The following TMEM170B variants were observed in gnomAD, a reference collection of about 807,000 sequenced individuals.
TMEM170B encodes transmembrane protein 170B.
In TMEM170B, 6 loss-of-function variants were observed where a neutral mutation model predicts 13.0. The observed-to-expected ratio is 0.46, with a 90% CI of 0.25 to 0.91. The LOEUF is 0.91. Ranked by LOEUF, TMEM170B falls within the 40% of genes least tolerant of loss-of-function variation. TMEM170B has a pLI of 0.17. For synonymous variants in TMEM170B, 61 were observed against 64.9 expected (o/e 0.94, Z 0.29); for missense variants, 138 against 165.2 (o/e 0.84, Z 0.90).
rs1328025052 is a variant in TMEM170B, at chr6:11,581,301, T to C, written c.*5740T>C. 4.6e-5 allele frequency: 7 copies of C among 152,240 alleles called. No homozygotes were observed. Among genetic ancestry groups the C allele is most frequent in the Non-Finnish European group, 1.0e-4 (7 of 68,030 alleles). 9.4% of individuals were successfully genotyped at this position (152,240 alleles called of 1,614,324 possible). The stretch of plus-strand genomic sequence containing the variant: ...CTTTCCATACAGATGTCGTATGTTA[T>C]AGTTTAAACATATGTACAATTTGTT... On this transcript the variant is annotated 3_prime_UTR_variant, in exon 3 of 3. Transcript: ENST00000379426.
Position 11,580,722 on chromosome 6 carries a change from T to C in TMEM170B, c.*5161T>C, listed in dbSNP as rs1759944652. 6.6e-6 allele frequency: 1 copy of C among 152,254 alleles called. No homozygotes were observed. The highest frequency in any genetic ancestry group is 6.5e-5 in the Admixed American group (1 of 15,288). The allele number at this position is 152,254 out of a possible 1,614,324, so 9.4% of individuals were successfully genotyped here. On this transcript the variant is annotated 3_prime_UTR_variant, in exon 3 of 3. Transcript: ENST00000379426. Reference sequence around the variant, plus strand: ...CAGGATAAAAAGGATATTATTTGATTAAAAATTATAGCATTTGGAGAGGTA... The same window carrying C: ...CAGGATAAAAAGGATATTATTTGATCAAAAATTATAGCATTTGGAGAGGTA...
Position 11,580,840 on chromosome 6 carries a change from T to TG in TMEM170B, c.*5280dup, listed in dbSNP as rs1295052592. 1 of 152,232 alleles carries TG rather than the reference T, an allele frequency of 6.6e-6. No individual in the cohort carries two copies. The highest frequency in any genetic ancestry group is 6.5e-5 in the Admixed American group (1 of 15,278). 9.4% of individuals were successfully genotyped at this position (152,232 alleles called of 1,614,324 possible). The stretch of plus-strand genomic sequence containing the variant: ...ATACTGGATGAGTATGTATACTGCA[T>TG]GTTTACACATGCTGTGTTTCTTTAT... On this transcript the variant is annotated 3_prime_UTR_variant, in exon 3 of 3. Transcript: ENST00000379426.
chr6:11,566,026 T>G (rs1759729160), intron 2 of TMEM170B, among the ~76,000 whole-genome samples, 190 bp downstream of exon 2: 1 of 152,218 alleles, frequency 6.6e-6, no homozygotes, highest in African/African-American at 2.4e-5. Context: ...GTTGTAATTC[T>G]GCTGTGTGAA....
rs545127763 is a variant in TMEM170B, at chr6:11,566,065, T to C, written c.268+229T>C. ...TCCTTTTACAAGGTTTTGAGGGAAATAGAAAAATTCATAAAAATTGGCAAG... is the reference window on the plus strand; with the variant it reads ...TCCTTTTACAAGGTTTTGAGGGAAACAGAAAAATTCATAAAAATTGGCAAG... On this transcript the variant is annotated intron_variant, in intron 2 of 2. Coordinates refer to ENST00000379426, the MANE Select transcript of TMEM170B (RefSeq NM_001100829.3). Among the ~76,000 whole-genome samples, 5 of 152,250 alleles carry C rather than the reference T, an allele frequency of 3.3e-5. No individual in the cohort carries two copies. In the South Asian group the frequency reaches 1.0e-3, roughly 32 times the overall value.
chr6:11,548,910 ACTGGGGTCTGT>A (rs2113765675), intron 1 of TMEM170B, among the ~76,000 whole-genome samples: 1 of 132,604 alleles, frequency 7.5e-6, no homozygotes, highest in South Asian at 2.4e-4. Flanking sequence ...AACATCACAC[ACTGGGGTCTGT>A]CATGGGGTGG....
chr6:11,570,447 A>G (rs1759785458), intron 2 of TMEM170B, among the ~76,000 whole-genome samples: 1 of 152,212 alleles, frequency 6.6e-6, no homozygotes, highest in Admixed American at 6.5e-5. Flanking sequence ...ACAGAGCATA[A>G]TAGAAGAAAT....
At chr6:11,567,438 A>T (rs568569316) in intron 2 of TMEM170B, among the ~76,000 whole-genome samples, 4 of 152,292 alleles carry the variant, frequency 2.6e-5, no homozygotes, top group African/African-American at 9.6e-5. Context: ...TAAGAAGGCA[A>T]CCTTGTCTTT....
chr6:11,556,944 G>T (rs1326342100), intron 1 of TMEM170B, among the ~76,000 whole-genome samples: 2 of 152,166 alleles, frequency 1.3e-5, no homozygotes. Flanking sequence ...GCTCTCTCCA[G>T]TCTCCAGCCT....
chr6:11,571,177 T>C lies in TMEM170B; in HGVS notation c.269-4254T>C, dbSNP rs941433169. ...CCTTAACCTTTATCATATGCTTGCT[T>C]TTTTTTTTTTTTCTTTTTCCATTTT... On this transcript the variant is annotated intron_variant, in intron 2 of 2. Transcript: ENST00000379426. Among the ~76,000 whole-genome samples, 13 of 2,778 alleles carry C rather than the reference T, an allele frequency of 4.7e-3. No individual in the cohort carries two copies. The Admixed American group carries it at 0.17, about 37-fold the overall frequency. 1.8% of individuals were successfully genotyped at this position (2,778 alleles called of 152,430 possible).
At chr6:11,574,339 C>A (rs1214450986) in intron 2 of TMEM170B, among the ~76,000 whole-genome samples, 1 of 152,134 alleles carries the variant, frequency 6.6e-6, no homozygotes, top group Non-Finnish European at 1.5e-5. Flanking sequence ...TTCCTGTTTA[C>A]ATCTCTTACA....
intron 1 of TMEM170B, among the ~76,000 whole-genome samples, chr6:11,545,253 G>GTT (rs1759418267): frequency 7.6e-6 from 1 of 132,018 alleles, no homozygotes; most frequent in East Asian, 2.3e-4. Flanking sequence ...CTGGAATGAA[G>GTT]GTTAAAAGGC....
intron 1 of TMEM170B, among the ~76,000 whole-genome samples, chr6:11,549,148 A>G (rs1759482903): frequency 6.6e-6 from 1 of 152,246 alleles, no homozygotes; most frequent in Non-Finnish European, 1.5e-5. Flanking sequence ...TTGTAGTATC[A>G]GATGAATAAG....
intron 1 of TMEM170B, among the ~76,000 whole-genome samples, chr6:11,541,372 A>G (rs1369410050): frequency 6.6e-6 from 1 of 152,180 alleles, no homozygotes; most frequent in African/African-American, 2.4e-5. Flanking sequence ...TTGCTGCTTC[A>G]CCTTGCACTT....
intron 2 of TMEM170B, among the ~76,000 whole-genome samples, chr6:11,566,143 A>G (rs1759730315): frequency 6.6e-6 from 1 of 152,230 alleles, no homozygotes; most frequent in Admixed American, 6.5e-5. Context: ...TCTGCTTTCA[A>G]GTTGCTCATT....
intron 1 of TMEM170B, among the ~76,000 whole-genome samples, chr6:11,543,737 T>G (rs1328475566): frequency 6.6e-6 from 1 of 152,180 alleles, no homozygotes; most frequent in African/African-American, 2.4e-5. Flanking sequence ...TTTGCACAAA[T>G]TTGCTTAATA....
chr6:11,541,558 G>C (rs1427396340), intron 1 of TMEM170B, among the ~76,000 whole-genome samples: 2 of 152,106 alleles, frequency 1.3e-5, no homozygotes, highest in Non-Finnish European at 2.9e-5. Flanking sequence ...CTTCTATTTA[G>C]ACCACTCAAA....
chr6:11,571,311 G>C (rs915188114), intron 2 of TMEM170B, among the ~76,000 whole-genome samples: 2 of 151,844 alleles, frequency 1.3e-5, no homozygotes. Context: ...TCAGCCTCCT[G>C]AGTCGCTAGG....
intron 1 of TMEM170B, among the ~76,000 whole-genome samples, chr6:11,552,201 A>G (rs942496959): frequency 7.2e-5 from 11 of 152,216 alleles, no homozygotes; most frequent in Non-Finnish European, 1.0e-4. Context: ...TGATCAATTT[A>G]TAGCTATCTT....
intron 1 of TMEM170B, among the ~76,000 whole-genome samples, chr6:11,546,034 AAG>A (rs1759435902): frequency 6.7e-6 from 1 of 149,458 alleles, no homozygotes; most frequent in Non-Finnish European, 1.5e-5. Context: ...AAAAAAAAAA[AAG>A]GCAAGCTGTA....
Sources: gnomAD v4.1 joint callset for allele counts (sites outside exome capture counted in the v4.1 genomes callset) on GRCh38, gnomAD v4.1.1 for gene constraint, MANE v1.5 for transcripts, NCBI Gene and HGNC (gene_info 2026-07-23, HGNC 2026-07-21) for gene names.